Variants in STPG2 observed in about 807,000 individuals in gnomAD.
The protein encoded by STPG2 is sperm-tail PG-rich repeat-containing protein 2.
STPG2 carries 56 observed loss-of-function variants against 54.2 expected under a neutral mutation model. The observed-to-expected ratio is 1.03, with a 90% CI of 0.83 to 1.29. The LOEUF (loss-of-function observed/expected upper bound fraction) is 1.29. STPG2 is among the 50% of genes most tolerant of loss of function. The pLI, the probability that STPG2 is intolerant of heterozygous loss-of-function variation, is 0.00. For synonymous variants in STPG2, 200 were observed against 181.8 expected (o/e 1.10, Z -0.81); for missense variants, 596 against 544.9 (o/e 1.09, Z -0.93).
rs1737133046 is a variant in STPG2, at chr4:98,046,491, G to A, written c.612+59462C>T. ...GAGATGAACCTAACCAATCAGCCTG[G>A]CCAGAGATTCTGGGTGCCTCTGAAA... On this transcript the variant is annotated intron_variant, in intron 5 of 10. Coordinates refer to ENST00000295268, the MANE Select transcript of STPG2 (RefSeq NM_174952.3). Among the ~76,000 whole-genome samples, 4 of 152,196 alleles carry A rather than the reference G, an allele frequency of 2.6e-5. No homozygotes were observed. The South Asian group carries it at 6.2e-4, about 24-fold the overall frequency.
At chr4:98,133,273 G>A (rs1375980106) in intron 2 of STPG2, among the ~76,000 whole-genome samples, 2 of 151,924 alleles carry the variant, frequency 1.3e-5, no homozygotes, top group Admixed American at 6.6e-5. Context: ...AACAATTACA[G>A]TGCAATCATT....
intron 10 of STPG2, among the ~76,000 whole-genome samples, chr4:97,644,210 C>T (rs1282707459): frequency 6.6e-6 from 1 of 151,808 alleles, no homozygotes; most frequent in Non-Finnish European, 1.5e-5. Flanking sequence ...AAGAGAAGTA[C>T]CTGAGTGACA....
intron 9 of STPG2, among the ~76,000 whole-genome samples, chr4:97,749,435 A>G (rs943433497): frequency 2.0e-5 from 3 of 151,804 alleles, no homozygotes; most frequent in African/African-American, 4.8e-5. Flanking sequence ...TATGCCAAAA[A>G]AGCAATAGCA....
chr4:97,829,295 G>C (rs78722851), intron 9 of STPG2, among the ~76,000 whole-genome samples: 2,655 of 152,164 alleles, frequency 0.017, 74 homozygotes, highest in African/African-American at 0.061. Context: ...CTGTTACAAA[G>C]AAAACTAACA....
chr4:97,907,709 C>A (rs1382858828), intron 8 of STPG2, among the ~76,000 whole-genome samples: 4 of 152,024 alleles, frequency 2.6e-5, no homozygotes, highest in Non-Finnish European at 4.4e-5. Context: ...TCAGAAATAA[C>A]GCCACTTATC....
intron 8 of STPG2, among the ~76,000 whole-genome samples, chr4:97,920,596 CAA>C (rs76507958): frequency 7.0e-6 from 1 of 142,912 alleles, no homozygotes. Context: ...GTAAATCAAC[CAA>C]AAAAAAAAGC....
intron 8 of STPG2, among the ~76,000 whole-genome samples, chr4:97,878,084 T>G (rs1174356355): frequency 1.3e-5 from 2 of 152,206 alleles, no homozygotes; most frequent in Non-Finnish European, 2.9e-5. Context: ...TTTGACTCCA[T>G]GTTTCACATC....
chr4:97,967,264 G>C (rs1233484202), intron 7 of STPG2, among the ~76,000 whole-genome samples: 1 of 150,372 alleles, frequency 6.7e-6, no homozygotes, highest in Non-Finnish European at 1.5e-5. Flanking sequence ...GTTCAAAAGA[G>C]ACAAGGCCAT....
At chr4:97,687,079 T>C (rs958652685) in intron 10 of STPG2, among the ~76,000 whole-genome samples, 2 of 151,746 alleles carry the variant, frequency 1.3e-5, no homozygotes, top group Admixed American at 1.3e-4. Flanking sequence ...TAGCTGGGAC[T>C]ACAGGCGCTG....
intron 5 of STPG2, among the ~76,000 whole-genome samples, chr4:98,022,206 A>G (rs1299668662): frequency 6.6e-6 from 1 of 152,004 alleles, no homozygotes; most frequent in Non-Finnish European, 1.5e-5. Context: ...CTTTTAGGGC[A>G]GGTCTGGTGG....
At chr4:98,075,047 G>A (rs1456647289) in intron 5 of STPG2, among the ~76,000 whole-genome samples, 6 of 152,194 alleles carry the variant, frequency 3.9e-5, no homozygotes, top group Admixed American at 3.9e-4. Flanking sequence ...CAGGGATTGA[G>A]AAATTTTGAC....
chr4:98,077,514 G>T (rs912915555), intron 5 of STPG2, among the ~76,000 whole-genome samples: 2 of 152,136 alleles, frequency 1.3e-5, no homozygotes, highest in Non-Finnish European at 2.9e-5. Context: ...GGGATTACAG[G>T]CATGAGCCAC....
chr4:97,508,448 A>T (rs927949925), intron 4 of STPG2, among the ~76,000 whole-genome samples: 7 of 152,112 alleles, frequency 4.6e-5, no homozygotes, highest in Admixed American at 6.6e-5. Flanking sequence ...ATCAATAAAA[A>T]ATAACTAGAC....
chr4:97,923,274 A>G (rs1232096255), intron 8 of STPG2, among the ~76,000 whole-genome samples: 2 of 151,998 alleles, frequency 1.3e-5, no homozygotes, highest in Non-Finnish European at 2.9e-5. Flanking sequence ...AGGTGGGAAC[A>G]GGGGCTGTGC....
chr4:97,457,398 C>G (rs1729555876), intron 4 of STPG2, among the ~76,000 whole-genome samples: 1 of 152,234 alleles, frequency 6.6e-6, no homozygotes, highest in Admixed American at 6.5e-5. Flanking sequence ...AAACCAAACC[C>G]AACTCAGTGT....
At chr4:98,015,320 C>A (rs913771512) in intron 5 of STPG2, among the ~76,000 whole-genome samples, 2 of 149,656 alleles carry the variant, frequency 1.3e-5, no homozygotes, top group Non-Finnish European at 1.5e-5. Flanking sequence ...TGAAAAAGGG[C>A]TAATATCCAG....
intron 5 of STPG2, among the ~76,000 whole-genome samples, chr4:97,986,695 T>A (rs1176872988): frequency 6.6e-6 from 1 of 152,242 alleles, no homozygotes; most frequent in Non-Finnish European, 1.5e-5. Flanking sequence ...TATTCATCTG[T>A]GTATTTCTAA....
intron 3 of STPG2, among the ~76,000 whole-genome samples, chr4:98,113,998 C>A (rs1021333046): frequency 1.3e-5 from 2 of 151,932 alleles, no homozygotes; most frequent in Admixed American, 6.6e-5. Flanking sequence ...GCAGTACATG[C>A]CAGTAAAAGA....
chr4:97,951,689 C>T (rs1733478039), intron 7 of STPG2, among the ~76,000 whole-genome samples: 1 of 152,054 alleles, frequency 6.6e-6, no homozygotes, highest in Non-Finnish European at 1.5e-5. Context: ...TCACTATATC[C>T]TACGGAGTTG....
Sources: allele counts gnomAD v4.1 joint callset (sites outside exome capture counted in the v4.1 genomes callset), GRCh38; gene constraint gnomAD v4.1.1; transcripts MANE v1.5; gene names NCBI Gene and HGNC (gene_info 2026-07-23, HGNC 2026-07-21).